The following ADGRG2 variants were observed in gnomAD, a reference collection of about 807,000 sequenced individuals.
ADGRG2 encodes the protein G protein-coupled receptor 64.
A neutral mutation model predicts 74.1 loss-of-function variants in ADGRG2; 26 were observed. The ratio of observed to expected loss-of-function variants is 0.35; its 90% confidence interval spans 0.26 to 0.49. The LOEUF (loss-of-function observed/expected upper bound fraction) is 0.49. Ranked by LOEUF, ADGRG2 falls within the 20% of genes least tolerant of loss-of-function variation. The pLI is 0.99. For synonymous variants in ADGRG2, 296 were observed against 295.2 expected, an observed-to-expected ratio of 1.00 and a Z score of -0.03; for missense variants, 619 against 763.1, an observed-to-expected ratio of 0.81 and a Z score of 2.22.
intron 4 of ADGRG2, chrX:19,039,289 C>T (rs774696471): frequency 1.5e-5 from 5 of 331,203 alleles, no homozygotes; most frequent in Admixed American, 1.2e-4. Context: ...ATCTATAACA[C>T]GAATATTTCC....
At chrX:19,007,116 A>T in intron 20 of ADGRG2, 119 bp downstream of exon 20, 1 of 682,893 alleles carries the variant, frequency 1.5e-6, no homozygotes, top group Non-Finnish European at 2.3e-6. Context: ...CCTGCAAACT[A>T]CTCCAGCTGA....
chrX:19,052,705 T>C (rs918602383), intron 3 of ADGRG2, among the ~76,000 whole-genome samples: 3 of 108,643 alleles, frequency 2.8e-5, no homozygotes, highest in African/African-American at 1.0e-4. Flanking sequence ...CTTTTTTTTT[T>C]CCAAGATGGA....
In ADGRG2 at chrX:19,005,996, T is replaced by C; in HGVS notation, c.1839+6A>G. On this transcript the variant is annotated splice_donor_region_variant and intron_variant, in intron 22 of 28. Transcript: ENST00000379869. ...AATTTAAGGCCACGTGGCACAGGCA[T>C]ATTACCAGCAGAACGCCGAAGCTTG... is the stretch of plus-strand genomic sequence containing the variant. 1 of 1,152,373 alleles carries C rather than the reference T, an allele frequency of 8.7e-7. No homozygotes were observed. The highest frequency in any genetic ancestry group is 1.2e-6 in the Non-Finnish European group (1 of 841,717). 95.0% of individuals were successfully genotyped at this position (1,152,373 alleles called of 1,213,427 possible). A position where few individuals can be genotyped will look rare whatever the true frequency, so the allele number is the denominator to read the frequency against.
intron 1 of ADGRG2, among the ~76,000 whole-genome samples, chrX:19,088,067 C>T (rs1003998086): frequency 8.9e-6 from 1 of 111,770 alleles, no homozygotes; most frequent in South Asian, 3.8e-4. Flanking sequence ...ACCACCAACT[C>T]TCTACCCAAG....
At position 18,990,071 on chromosome X, in the gene ADGRG2, T is replaced by C. The variant is rs1411852762; in HGVS notation, c.*793A>G. ...TGGATGCTGTGTTTGGCTGTACAGG[T>C]CGTGCACCCAAGAGGGTGAGTGGGG... is the stretch of plus-strand genomic sequence containing the variant. On this transcript the variant is annotated 3_prime_UTR_variant, in exon 29 of 29. Transcript: ENST00000379869. The C allele has an allele frequency of 1.8e-5, 2 of 112,245 alleles. No homozygotes were observed. The highest frequency in any genetic ancestry group is 3.8e-5 in the Non-Finnish European group (2 of 53,194). 9.3% of individuals were successfully genotyped at this position (112,245 alleles called of 1,213,427 possible).
chrX:19,075,617 CAAAA>C (rs61690480), intron 2 of ADGRG2, among the ~76,000 whole-genome samples: 2 of 39,447 alleles, frequency 5.1e-5, no homozygotes, highest in Non-Finnish European at 9.8e-5. Context: ...GACTTCGCCT[CAAAA>C]AAAAAAAAAA....
At chrX:18,993,542 A>T (rs2059961069) in intron 28 of ADGRG2, among the ~76,000 whole-genome samples, 1 of 108,223 alleles carries the variant, frequency 9.2e-6, no homozygotes, top group South Asian at 4.2e-4. Context: ...TTAGCCAGCC[A>T]TGGTGGCATG....
At chrX:19,104,410 C>T (rs1375050228) in intron 1 of ADGRG2, among the ~76,000 whole-genome samples, 3 of 111,489 alleles carry the variant, frequency 2.7e-5, no homozygotes, top group Non-Finnish European at 5.7e-5. Flanking sequence ...CAAAACAGCC[C>T]GGGAACAGAG....
At chrX:19,103,706 A>C (rs963892704) in intron 1 of ADGRG2, among the ~76,000 whole-genome samples, 1 of 111,374 alleles carries the variant, frequency 9.0e-6, no homozygotes, top group East Asian at 2.8e-4. Context: ...CCAAAGGACT[A>C]AGTGTCTAAT....
chrX:19,005,985 TGGCACA>T lies in ADGRG2; in HGVS notation c.1839+11_1839+16del. On this transcript the variant is annotated intron_variant, in intron 22 of 28. Transcript: ENST00000379869. ...CTCAGACTCAGAATTTAAGGCCACG[TGGCACA>T]GGCATATTACCAGCAGAACGCCGAA... The T allele has an allele frequency of 9.2e-7, 1 of 1,083,711 alleles. No homozygotes were observed. Among genetic ancestry groups the T allele is most frequent in the Non-Finnish European group, 1.3e-6 (1 of 779,183 alleles). 89.3% of individuals were successfully genotyped at this position (1,083,711 alleles called of 1,213,427 possible). A position where few individuals can be genotyped will look rare whatever the true frequency, so the allele number is the denominator to read the frequency against.
At chrX:19,116,046 C>G (rs142846459) in intron 1 of ADGRG2, among the ~76,000 whole-genome samples, 166 of 110,323 alleles carry the variant, frequency 1.5e-3, no homozygotes, top group African/African-American at 5.1e-3. Flanking sequence ...CCCGTCACTA[C>G]AAAAACTTTT....
At chrX:19,034,442 G>A (rs1163798694) in intron 7 of ADGRG2, 1 of 111,669 alleles carries the variant, frequency 9.0e-6, no homozygotes, top group Non-Finnish European at 1.9e-5. Context: ...CACCTAGGGT[G>A]GATGGGCAAA....
intron 3 of ADGRG2, among the ~76,000 whole-genome samples, chrX:19,065,285 A>AG (rs2061549810): frequency 3.1e-5 from 3 of 97,478 alleles, no homozygotes; most frequent in African/African-American, 1.2e-4. Flanking sequence ...AAAAAAAAAA[A>AG]GTAAAGAAAA....
intron 3 of ADGRG2, among the ~76,000 whole-genome samples, chrX:19,045,976 A>G (rs928920796): frequency 8.9e-6 from 1 of 111,971 alleles, no homozygotes; most frequent in African/African-American, 3.2e-5. Flanking sequence ...CCTCCCACTC[A>G]TGGGCTCAAG....
chrX:19,065,225 G>T (rs150593006), intron 3 of ADGRG2, among the ~76,000 whole-genome samples: 1 of 89,096 alleles, frequency 1.1e-5, no homozygotes, highest in Non-Finnish European at 2.1e-5. Context: ...AGCTGAGATC[G>T]CGCACTCAAG....
At chrX:19,114,483 T>C (rs2147086113) in intron 1 of ADGRG2, among the ~76,000 whole-genome samples, 1 of 111,385 alleles carries the variant, frequency 9.0e-6, no homozygotes, top group Admixed American at 9.6e-5. Context: ...GTGATTCCAG[T>C]GGGCAGCGGG....
Position 19,010,794 on chromosome X carries a change from A to G in ADGRG2, c.1100-16T>C. The G allele has an allele frequency of 8.6e-7, 1 of 1,158,800 alleles. No individual in the cohort carries two copies. Among genetic ancestry groups the G allele is most frequent in the Middle Eastern group, 2.4e-4 (1 of 4,161 alleles). ...TTGACGATGTCTATATCAAAGAGCC[A>G]AATCGTGTTATGAACACACAATGGA... On this transcript the variant is annotated splice_polypyrimidine_tract_variant and intron_variant, in intron 16 of 28. Transcript: ENST00000379869.
chrX:19,106,992 A>T (rs2147059008), intron 1 of ADGRG2, among the ~76,000 whole-genome samples: 1 of 110,657 alleles, frequency 9.0e-6, no homozygotes, highest in African/African-American at 3.3e-5. Flanking sequence ...TTCTGCCGGC[A>T]GTGCTGAGAG....
At chrX:19,085,407 C>A (rs1035035186) in intron 1 of ADGRG2, among the ~76,000 whole-genome samples, 9 of 111,352 alleles carry the variant, frequency 8.1e-5, no homozygotes, top group African/African-American at 2.3e-4. Context: ...CAGCTCACTG[C>A]AGCCTCCCAC....
Sources: gnomAD v4.1 joint callset for allele counts (sites outside exome capture counted in the v4.1 genomes callset) on GRCh38, gnomAD v4.1.1 for gene constraint, MANE v1.5 for transcripts, NCBI Gene and HGNC (gene_info 2026-07-23, HGNC 2026-07-21) for gene names.